The following C1QTNF5 variants were observed in gnomAD, a reference collection of about 807,000 sequenced individuals.
C1QTNF5 encodes the protein C1q and TNF related 5.
In C1QTNF5, 5 loss-of-function variants were observed where a neutral mutation model predicts 10.9. The observed-to-expected ratio is 0.46, with a 90% CI of 0.24 to 0.97. The LOEUF is 0.97. C1QTNF5 is among the 50% of genes least tolerant of loss of function. The pLI, the probability that C1QTNF5 is intolerant of heterozygous loss-of-function variation, is 0.19. For synonymous variants in C1QTNF5, 161 were observed against 156.5 expected, an observed-to-expected ratio of 1.03 and a Z score of -0.22; for missense variants, 281 against 339.4, an observed-to-expected ratio of 0.83 and a Z score of 1.35.
upstream of C1QTNF5, chr11:119,344,307 G>C (rs190648435): frequency 3.8e-5 from 61 of 1,613,650 alleles, no homozygotes; most frequent in East Asian, 9.6e-4. Flanking sequence ...ATGGAGCACT[G>C]TGCTTACCAG....
upstream of C1QTNF5, chr11:119,345,644 G>A: frequency 6.2e-7 from 1 of 1,613,410 alleles, no homozygotes; most frequent in East Asian, 2.2e-5. Flanking sequence ...CTGCAGAGAT[G>A]GAGGTTAGAG....
chr11:119,341,572 G>A (rs1171797611), upstream of C1QTNF5: 1 of 1,612,762 alleles, frequency 6.2e-7, no homozygotes, highest in Middle Eastern at 1.7e-4. Context: ...AAGCTTCCAG[G>A]TCAGCTGCCT....
upstream of C1QTNF5, chr11:119,344,220 A>G (rs1950534084): frequency 1.6e-6 from 2 of 1,213,082 alleles, no homozygotes; most frequent in Non-Finnish European, 2.5e-6. Flanking sequence ...CCCAAGTAGA[A>G]GGTAGTGTCT....
rs1591299580 is a variant in C1QTNF5 at position 119,339,756 on chromosome 11, G to A, written c.307C>T (p.Arg103Ter). ...GPAGECSVPP[R>*]SAFSAKRSES... Reference sequence around the variant, plus strand: ...GAGCGCTTGGCGCTGAAGGCGGATCGCGGAGGCACCGAGCACTCCCCGGCA... The same window carrying A: ...GAGCGCTTGGCGCTGAAGGCGGATCACGGAGGCACCGAGCACTCCCCGGCA... The change falls in exon 3 of 3, where the codon CGA (arginine) becomes TGA (stop). Residue 103 changes from arginine to a stop codon, truncating the protein, a stop_gained. Coordinates refer to ENST00000528368, the MANE Select transcript of C1QTNF5 (RefSeq NM_001278431.2). LOFTEE classifies it low-confidence loss of function (END_TRUNC). This position sits in a 1 kb window ranked among gnomAD's most constrained non-coding sequence, Gnocchi z 5.4. 5 of 1,590,462 alleles carry A rather than the reference G, an allele frequency of 3.1e-6. No homozygotes were observed. The highest frequency in any genetic ancestry group is 1.3e-5 in the African/African-American group (1 of 74,858).
At chr11:119,345,766 T>C (rs1319943080), upstream of C1QTNF5, 3 of 1,613,406 alleles carry the variant, frequency 1.9e-6, no homozygotes, top group East Asian at 2.2e-5. Flanking sequence ...CTGCCCCCAG[T>C]ACTCACTGGA....
chr11:119,345,346 T>C (rs1276780633), upstream of C1QTNF5: 2 of 1,477,244 alleles, frequency 1.4e-6, no homozygotes, highest in African/African-American at 2.8e-5. Flanking sequence ...CCCTTCTCCC[T>C]GCCACTCCCT....
Position 119,339,906 on chromosome 11 carries a change from C to T in C1QTNF5, c.215-58G>A. ...AGCGGCGGCTCAGCCCGCAGCGGGG[C>T]GGCGACTCTAAGGTCACCGTACCCC... is the stretch of plus-strand genomic sequence containing the variant. On this transcript the variant is annotated intron_variant, in intron 2 of 2. Coordinates refer to ENST00000528368, the MANE Select transcript of C1QTNF5 (RefSeq NM_001278431.2). This position sits in a 1 kb window ranked among gnomAD's most constrained non-coding sequence, Gnocchi z 5.4. 8 of 1,429,348 alleles carry T rather than the reference C, an allele frequency of 5.6e-6. No homozygotes were observed. Among genetic ancestry groups the T allele is most frequent in the Non-Finnish European group, 7.3e-6 (8 of 1,098,892 alleles). The allele number at this position is 1,429,348 out of a possible 1,614,324, so 88.5% of individuals were successfully genotyped here.
upstream of C1QTNF5, chr11:119,343,841 A>C (rs1262448601): frequency 1.1e-5 from 17 of 1,613,618 alleles, no homozygotes; most frequent in Non-Finnish European, 1.4e-5. Flanking sequence ...AAGGCCCCTG[A>C]GCTGCTGGTC....
chr11:119,340,041 TG>T, intron 2 of C1QTNF5, 142 bp downstream of exon 2: 1 of 1,258,982 alleles, frequency 7.9e-7, no homozygotes, highest in Non-Finnish European at 1.0e-6. Flanking sequence ...TCCCGCCGCC[TG>T]GGCCCCTCCC....
Position 119,339,159 on chromosome 11 carries a change from C to G in C1QTNF5, c.*172G>C. Reference sequence around the variant, plus strand: ...ACTGCCCCATGCTGCCAGACCTGATCGCAGACAGCCACTGTTCCCATTCCT... The same window carrying G: ...ACTGCCCCATGCTGCCAGACCTGATGGCAGACAGCCACTGTTCCCATTCCT... On this transcript the variant is annotated 3_prime_UTR_variant, in exon 3 of 3. Transcript: ENST00000528368. The surrounding 1 kb of genome is among the most constrained non-coding windows in gnomAD (Gnocchi z 5.4). The G allele has an allele frequency of 1.4e-6, 1 of 718,180 alleles. No individual in the cohort carries two copies. The highest frequency in any genetic ancestry group is 2.3e-6 in the Non-Finnish European group (1 of 444,112). The allele number at this position is 718,180 out of a possible 1,614,324, so 44.5% of individuals were successfully genotyped here. A position where few individuals can be genotyped will look rare whatever the true frequency, so the allele number is the denominator to read the frequency against.
At chr11:119,344,611 A>AC (rs1421284350), upstream of C1QTNF5, 2 of 1,613,422 alleles carry the variant, frequency 1.2e-6, no homozygotes, top group African/African-American at 1.3e-5. Flanking sequence ...TGAAGAGAGG[A>AC]CCCCCATGCC....
upstream of C1QTNF5, chr11:119,345,351 C>T: frequency 2.0e-6 from 3 of 1,508,972 alleles, no homozygotes; most frequent in Non-Finnish European, 2.8e-6. Context: ...CTCCCTGCCA[C>T]TCCCTGATTC....
chr11:119,344,474 G>GT, upstream of C1QTNF5: 1 of 1,556,556 alleles, frequency 6.4e-7, no homozygotes, highest in South Asian at 1.1e-5. Flanking sequence ...CAGAGCGAGA[G>GT]TTTTGGCCAT....
At chr11:119,345,503 G>A (rs200027112), upstream of C1QTNF5, 55 of 1,614,108 alleles carry the variant, frequency 3.4e-5, no homozygotes, top group East Asian at 2.0e-4. Flanking sequence ...TGAGGGCTTC[G>A]ATCTTGAGCT....
upstream of C1QTNF5, chr11:119,342,996 C>T (rs1011833093): frequency 1.6e-5 from 26 of 1,603,938 alleles, no homozygotes; most frequent in Non-Finnish European, 2.0e-5. Context: ...GGCTCTGCTC[C>T]ACAGAACCTG....
upstream of C1QTNF5, chr11:119,345,605 C>A (rs756071297): frequency 1.2e-6 from 2 of 1,613,452 alleles, no homozygotes; most frequent in African/African-American, 2.7e-5. Context: ...TGAAGAAGCC[C>A]CTTGGGCCAG....
At chr11:119,345,815 T>G (rs1435418104), upstream of C1QTNF5, 2 of 1,613,848 alleles carry the variant, frequency 1.2e-6, no homozygotes, top group Admixed American at 1.7e-5. Flanking sequence ...TGCTGCCCTT[T>G]AGGGGTCCCA....
At chr11:119,345,900 C>T (rs370696881), upstream of C1QTNF5, 48 of 1,613,556 alleles carry the variant, frequency 3.0e-5, no homozygotes, top group Middle Eastern at 3.3e-4. Flanking sequence ...GGCTATGGGA[C>T]GCCCCAGATG....
upstream of C1QTNF5, chr11:119,344,217 A>G: frequency 3.4e-6 from 4 of 1,189,196 alleles, no homozygotes; most frequent in Admixed American, 6.8e-5. Flanking sequence ...CTTCCCAAGT[A>G]GAAGGTAGTG....
Sources: allele counts gnomAD v4.1 joint callset, GRCh38; gene constraint gnomAD v4.1.1; non-coding constraint Gnocchi (gnomAD v3.1); transcripts MANE v1.5; gene names NCBI Gene and HGNC (gene_info 2026-07-23, HGNC 2026-07-21).